Variants in PRKDC observed in about 807,000 individuals in gnomAD.
PRKDC encodes the protein protein kinase, DNA-activated, catalytic subunit.
Under a neutral mutation model 486.9 loss-of-function variants are expected in PRKDC, and 82 were observed. The ratio of observed to expected loss-of-function variants is 0.17; its 90% CI spans 0.14 to 0.20. PRKDC has a LOEUF of 0.20. PRKDC is among the 10% of genes least tolerant of loss of function. The probability of loss-of-function intolerance (pLI) is 1.00; values close to 1 mark genes in which losing one functional copy is unlikely to be tolerated. For missense variants in PRKDC, 4,504 were observed against 5,038.2 expected, an observed-to-expected ratio of 0.89 and a Z score of 3.21; for synonymous variants, 1,895 against 1,837.0, an observed-to-expected ratio of 1.03 and a Z score of -0.81.
In PRKDC at chr8:47,929,874, G is replaced by A. The variant is rs2090222026; in HGVS notation, c.2031C>T (p.Ala677=). ...TCACCTCGAAATATTTTATTTTCTTGGCATTTCTTACTGTAATAGAAAGCA... is the reference window on the plus strand; with the variant it reads ...TCACCTCGAAATATTTTATTTTCTTAGCATTTCTTACTGTAATAGAAAGCA... The part of the protein sequence containing the change: ...YKLLSITVRN[A]KKIKYFEGVS... Residue 677 remains alanine, a synonymous_variant, in exon 18 of 86, where the codon GCC becomes GCT. Transcript: ENST00000314191. 1.3e-6 allele frequency: 2 copies of A among 1,595,492 alleles called. No homozygotes were observed. Among genetic ancestry groups the A allele is most frequent in the Non-Finnish European group, 1.7e-6 (2 of 1,175,512 alleles).
chr8:47,778,863 A>G, intron 81 of PRKDC, 64 bp from the exon 82 acceptor site: 1 of 1,524,308 alleles, frequency 6.6e-7, no homozygotes, highest in Non-Finnish European at 8.9e-7. Flanking sequence ...TTTAAATTTT[A>G]AAACTTTTTG....
chr8:47,837,140 A>G, intron 57 of PRKDC, 72 bp downstream of exon 57: 1 of 1,409,746 alleles, frequency 7.1e-7, no homozygotes, highest in Non-Finnish European at 9.8e-7. Context: ...GAGCCAGTCA[A>G]AGCTATTAAA....
At chr8:47,851,018 C>T (rs2088391181) in intron 52 of PRKDC, among the ~76,000 whole-genome samples, 1 of 152,146 alleles carries the variant, frequency 6.6e-6, no homozygotes, top group South Asian at 2.1e-4. Flanking sequence ...CTATGTTGGC[C>T]AGGCTGGTCT....
intron 74 of PRKDC, among the ~76,000 whole-genome samples, chr8:47,791,425 A>C (rs1222345805): frequency 6.6e-6 from 1 of 152,196 alleles, no homozygotes; most frequent in Non-Finnish European, 1.5e-5. Flanking sequence ...CAGTGAGCAG[A>C]GATTGCGCCA....
At chr8:47,916,979 A>T (rs1037510705) in intron 22 of PRKDC, among the ~76,000 whole-genome samples, 2 of 152,144 alleles carry the variant, frequency 1.3e-5, no homozygotes, top group Non-Finnish European at 2.9e-5. Context: ...AATTTTGGCA[A>T]AGCACAGTGG....
chr8:47,785,496 G>A (rs560297203), intron 76 of PRKDC, among the ~76,000 whole-genome samples, 179 bp from the exon 77 acceptor site: 11 of 152,266 alleles, frequency 7.2e-5, no homozygotes, highest in African/African-American at 1.7e-4. Context: ...CACTTTGGGA[G>A]TCCAAGATAG....
At chr8:47,817,366 T>C in intron 68 of PRKDC, 84 bp downstream of exon 68, 1 of 1,001,016 alleles carries the variant, frequency 1.0e-6, no homozygotes, top group Non-Finnish European at 1.5e-6. Context: ...ATCCCACATT[T>C]CTCTAAACCA....
intron 37 of PRKDC, 39 bp from the exon 38 acceptor site, chr8:47,881,559 T>C (rs768936664): frequency 1.9e-6 from 2 of 1,038,088 alleles, no homozygotes; most frequent in Non-Finnish European, 2.8e-6. Context: ...CATTTGTATA[T>C]TACATCTCTA....
At position 47,778,759 on chromosome 8, in the gene PRKDC, G is replaced by A. The variant is rs746916693; in HGVS notation, c.11620C>T (p.Arg3874Ter). The A allele has an allele frequency of 1.2e-6, 2 of 1,613,658 alleles. No individual in the cohort carries two copies. The highest frequency in any genetic ancestry group is 1.1e-5 in the South Asian group (1 of 91,012). ...AGATCAGCAGGCACTTTACTTTCTC[G>A]TTTTCTAAAAGACGTGACTGTTTCA... ...RTETVTSFRK[R>*]ESKVPADLLK... The change falls in exon 82 of 86, where the codon CGA (arginine) becomes TGA (stop). Residue 3874 changes from arginine (R) to a stop codon, truncating the protein, a stop_gained. Transcript: ENST00000314191. LOFTEE classifies it high-confidence loss of function.
At chr8:47,783,227 G>A (rs1377271949) in intron 78 of PRKDC, among the ~76,000 whole-genome samples, 1 of 148,056 alleles carries the variant, frequency 6.8e-6, no homozygotes, top group Admixed American at 6.8e-5. Flanking sequence ...GCAACGAGCT[G>A]AGAATGGGCC....
chr8:47,839,934 G>T, intron 55 of PRKDC, 82 bp downstream of exon 55: 1 of 1,105,376 alleles, frequency 9.0e-7, no homozygotes, highest in Non-Finnish European at 1.3e-6. Context: ...CTGTGTTTGT[G>T]CCCCTGTACT....
At chr8:47,911,729 T>C (rs931714581) in intron 25 of PRKDC, among the ~76,000 whole-genome samples, 9 of 152,144 alleles carry the variant, frequency 5.9e-5, no homozygotes, top group East Asian at 1.9e-4. Flanking sequence ...CATAAAGTCA[T>C]AGTATAGGCC....
At chr8:47,924,665 C>T (rs949671072) in intron 21 of PRKDC, among the ~76,000 whole-genome samples, 1 of 152,026 alleles carries the variant, frequency 6.6e-6, no homozygotes, top group Non-Finnish European at 1.5e-5. Context: ...CCTAGAGGTC[C>T]CTTCAGTGGC....
intron 1 of PRKDC, among the ~76,000 whole-genome samples, chr8:47,957,708 G>A (rs2090730290): frequency 6.6e-6 from 1 of 152,024 alleles, no homozygotes; most frequent in South Asian, 2.1e-4. Flanking sequence ...TAGAGACGGG[G>A]TTTCACCGTG....
Position 47,860,894 on chromosome 8 carries a change from C to A in PRKDC, c.6058+5G>T. The A allele has an allele frequency of 5.0e-6, 8 of 1,600,738 alleles. No homozygotes were observed. The highest frequency in any genetic ancestry group is 6.0e-6 in the Non-Finnish European group (7 of 1,172,964). On this transcript the variant is annotated splice_donor_5th_base_variant and intron_variant, in intron 45 of 85. Coordinates refer to ENST00000314191, the MANE Select transcript of PRKDC (RefSeq NM_006904.7). ...TCCTTTCTCATGATTTTGAAAACATCCTACCTGAATCCCCATTTGCTGCTT... is the reference window on the plus strand; with the variant it reads ...TCCTTTCTCATGATTTTGAAAACATACTACCTGAATCCCCATTTGCTGCTT...
chr8:47,932,665 T>C (rs1340452330), intron 16 of PRKDC, among the ~76,000 whole-genome samples: 1 of 152,178 alleles, frequency 6.6e-6, no homozygotes, highest in Non-Finnish European at 1.5e-5. Context: ...TTTCCTTAAC[T>C]ATAAACAAGA....
chr8:47,875,968 T>C (rs1360464272), intron 40 of PRKDC, among the ~76,000 whole-genome samples: 1 of 152,158 alleles, frequency 6.6e-6, no homozygotes, highest in Non-Finnish European at 1.5e-5. Context: ...TGGATGAACA[T>C]CAAAAATATT....
chr8:47,842,904 C>T lies in PRKDC; in HGVS notation c.7281-2715G>A, dbSNP rs368622589. Among the ~76,000 whole-genome samples the T allele has an allele frequency of 1.1e-4, 16 of 152,292 alleles. 1 individual carries two copies. The highest frequency in any genetic ancestry group is 3.6e-4 in the African/African-American group (15 of 41,566). On this transcript the variant is annotated intron_variant, in intron 54 of 85. Transcript: ENST00000314191. Reference sequence around the variant, plus strand: ...ACAAGCCAGGCGTGGTGGATCACACCTGTAATCCCCACCACTTTGGGAAGC... The same window carrying T: ...ACAAGCCAGGCGTGGTGGATCACACTTGTAATCCCCACCACTTTGGGAAGC...
chr8:47,851,174 A>G (rs1188032665), intron 52 of PRKDC, among the ~76,000 whole-genome samples: 1 of 152,216 alleles, frequency 6.6e-6, no homozygotes, highest in African/African-American at 2.4e-5. Flanking sequence ...TATCACTTTT[A>G]TATTCAGAAA....
Sources: gnomAD v4.1 joint callset for allele counts (sites outside exome capture counted in the v4.1 genomes callset) on GRCh38, gnomAD v4.1.1 for gene constraint, MANE v1.5 for transcripts, NCBI Gene and HGNC (gene_info 2026-07-23, HGNC 2026-07-21) for gene names.